Variants in ICA1 observed in about 807,000 individuals in gnomAD.
ICA1 encodes 69 kDa islet cell autoantigen.
Under a neutral mutation model 71.0 loss-of-function variants are expected in ICA1, and 40 were observed. The ratio of observed to expected loss-of-function variants is 0.56; its 90% CI spans 0.44 to 0.73. The LOEUF is 0.73. Among genes scored for constraint, ICA1 ranks in the 30% least tolerant of loss-of-function variants. The pLI, the probability that ICA1 is intolerant of heterozygous loss-of-function variation, is 0.00. For synonymous variants in ICA1, 207 were observed against 209.5 expected (o/e 0.99, Z 0.10); for missense variants, 578 against 576.5 (o/e 1.00, Z -0.03).
intron 2 of ICA1, among the ~76,000 whole-genome samples, chr7:8,235,481 G>A (rs77183730): frequency 6.6e-6 from 1 of 152,292 alleles, no homozygotes; most frequent in Non-Finnish European, 1.5e-5. Flanking sequence ...TTGAAGTCAT[G>A]ACTCTAAATT....
At chr7:8,196,937 C>T (rs78875759) in intron 6 of ICA1, among the ~76,000 whole-genome samples, 4,203 of 152,156 alleles carry the variant, frequency 0.028, 164 homozygotes, top group East Asian at 0.12. Flanking sequence ...CCATGTGACA[C>T]GTGACTTTGC....
chr7:8,225,137 C>T (rs972903003), intron 4 of ICA1, among the ~76,000 whole-genome samples: 1 of 152,176 alleles, frequency 6.6e-6, no homozygotes, highest in Admixed American at 6.5e-5. Flanking sequence ...AACTTTCACT[C>T]ACTAATTCTA....
At chr7:8,211,118 C>T (rs111729417) in intron 6 of ICA1, among the ~76,000 whole-genome samples, 8 of 152,214 alleles carry the variant, frequency 5.3e-5, no homozygotes, top group Admixed American at 2.0e-4. Context: ...CCATTTACTC[C>T]AGCCCACATT....
chr7:8,250,890 T>C (rs577244442), intron 1 of ICA1, among the ~76,000 whole-genome samples: 8 of 152,304 alleles, frequency 5.3e-5, no homozygotes, highest in African/African-American at 1.9e-4. Flanking sequence ...TCTTAGGATA[T>C]TTTCTTTTAT....
chr7:8,237,313 T>G (rs1414076056), intron 1 of ICA1, among the ~76,000 whole-genome samples: 1 of 152,180 alleles, frequency 6.6e-6, no homozygotes, highest in Non-Finnish European at 1.5e-5. Context: ...CACATTTACT[T>G]TAGTTAGCTT....
intron 5 of ICA1, 132 bp from the exon 6 acceptor site, chr7:8,218,635 G>A (rs1796118319): frequency 1.4e-6 from 1 of 716,688 alleles, no homozygotes; most frequent in South Asian, 1.7e-5. Flanking sequence ...ATCAATATTT[G>A]CTGAATAATA....
intron 6 of ICA1, among the ~76,000 whole-genome samples, chr7:8,217,583 C>T (rs183590745): frequency 3.3e-5 from 5 of 152,214 alleles, no homozygotes; most frequent in African/African-American, 4.8e-5. Context: ...TATATCCAGG[C>T]GACCAAACAA....
At chr7:8,124,596 A>G (rs1788415360) in intron 13 of ICA1, among the ~76,000 whole-genome samples, 1 of 152,118 alleles carries the variant, frequency 6.6e-6, no homozygotes, top group Non-Finnish European at 1.5e-5. Context: ...TGTAACAAAC[A>G]CGTGTTGAAG....
intron 6 of ICA1, among the ~76,000 whole-genome samples, chr7:8,189,561 T>A (rs1466866253): frequency 6.6e-6 from 1 of 152,146 alleles, no homozygotes; most frequent in Non-Finnish European, 1.5e-5. Flanking sequence ...GCAGGTTTTT[T>A]CTTCTTCTTT....
intron 6 of ICA1, among the ~76,000 whole-genome samples, chr7:8,213,095 C>T (rs1043236416): frequency 4.6e-5 from 7 of 152,114 alleles, no homozygotes; most frequent in African/African-American, 1.2e-4. Context: ...AAACAGGCAC[C>T]CCAGTTAAAC....
chr7:8,163,547 G>T (rs1259445783), intron 6 of ICA1, among the ~76,000 whole-genome samples: 5 of 152,178 alleles, frequency 3.3e-5, no homozygotes, highest in Non-Finnish European at 7.3e-5. Context: ...GTGTAACTAT[G>T]AACTGAGTGA....
chr7:8,225,368 C>T (rs1167052949), intron 4 of ICA1, among the ~76,000 whole-genome samples: 5 of 152,234 alleles, frequency 3.3e-5, no homozygotes, highest in African/African-American at 1.2e-4. Context: ...TAGTTTGTTG[C>T]TCAAATTGTG....
At chr7:8,240,340 G>A (rs113777374) in intron 1 of ICA1, among the ~76,000 whole-genome samples, 2 of 152,118 alleles carry the variant, frequency 1.3e-5, no homozygotes, top group Admixed American at 1.3e-4. Context: ...CTGTTAGAAG[G>A]AAAACTAACA....
chr7:8,259,860 A>G (rs1324197724), intron 1 of ICA1, among the ~76,000 whole-genome samples: 1 of 152,296 alleles, frequency 6.6e-6, no homozygotes, highest in East Asian at 1.9e-4. Context: ...TTTTGAGTTT[A>G]AAGTTCTGCT....
At chr7:8,146,764 T>C (rs992053304) in intron 8 of ICA1, among the ~76,000 whole-genome samples, 7 of 142,352 alleles carry the variant, frequency 4.9e-5, no homozygotes, top group Non-Finnish European at 1.1e-4. Context: ...TGTGTGTGTG[T>C]TTAGTATATG....
chr7:8,165,684 A>G (rs920547569), intron 6 of ICA1, among the ~76,000 whole-genome samples: 1 of 61,124 alleles, frequency 1.6e-5, no homozygotes, highest in Non-Finnish European at 3.2e-5. Context: ...GTCTTAAAAT[A>G]TAAAATCAAT....
chr7:8,134,868 C>T (rs1010935868), intron 12 of ICA1, among the ~76,000 whole-genome samples: 9 of 152,050 alleles, frequency 5.9e-5, no homozygotes, highest in African/African-American at 2.2e-4. Context: ...AACAAACCAA[C>T]AGCACTGGAC....
intron 8 of ICA1, among the ~76,000 whole-genome samples, chr7:8,153,009 G>C (rs191086164): frequency 1.3e-4 from 20 of 151,188 alleles, no homozygotes; most frequent in Non-Finnish European, 2.1e-4. Context: ...CACTGCTGCT[G>C]TCATTGCTTT....
intron 12 of ICA1, among the ~76,000 whole-genome samples, chr7:8,136,214 G>C (rs1350813551): frequency 6.6e-6 from 1 of 152,104 alleles, no homozygotes; most frequent in Non-Finnish European, 1.5e-5. Flanking sequence ...TCTGCTTTTT[G>C]ATAACATTGT....
Sources: gnomAD v4.1 joint callset for allele counts (sites outside exome capture counted in the v4.1 genomes callset) on GRCh38, gnomAD v4.1.1 for gene constraint, MANE v1.5 for transcripts, NCBI Gene and HGNC (gene_info 2026-07-23, HGNC 2026-07-21) for gene names.